Variants in KIFC3 observed in about 807,000 individuals in gnomAD.
KIFC3 encodes the protein kinesin family member C3, also known as kinesin-like protein KIFC3.
KIFC3 carries 60 observed loss-of-function variants against 101.8 expected under a neutral mutation model. The ratio of observed to expected loss-of-function variants is 0.59; its 90% CI spans 0.48 to 0.73. The LOEUF is 0.73. KIFC3 is among the 30% of genes least tolerant of loss of function. The pLI is 0.00. For missense variants in KIFC3, 966 were observed against 1,137.1 expected, an observed-to-expected ratio of 0.85 and a Z score of 2.16; for synonymous variants, 476 against 482.7, an observed-to-expected ratio of 0.99 and a Z score of 0.18.
intron 14 of KIFC3, 108 bp from the exon 15 acceptor site, chr16:57,761,279 G>A: frequency 6.3e-7 from 1 of 1,577,430 alleles, no homozygotes; most frequent in Non-Finnish European, 8.7e-7. Flanking sequence ...CAGTTTAGAT[G>A]AGGAAACTGA....
chr16:57,816,439 C>T (rs925558878), intron 1 of KIFC3: 22 of 474,882 alleles, frequency 4.6e-5, no homozygotes, highest in Admixed American at 2.6e-4. Context: ...AGGTTTTGGC[C>T]GCCACAGGGG....
chr16:57,833,711 G>T (rs2911343), intron 1 of KIFC3, among the ~76,000 whole-genome samples: 1 of 152,122 alleles, frequency 6.6e-6, no homozygotes, highest in African/African-American at 2.4e-5. Flanking sequence ...CACCTGGGAG[G>T]GGGAGGGACC....
At chr16:57,766,820 A>C in intron 10 of KIFC3, 54 bp downstream of exon 10, 1 of 1,289,698 alleles carries the variant, frequency 7.8e-7, no homozygotes, top group South Asian at 1.2e-5. Context: ...ATGACTGCCA[A>C]GCCAGGTCGA....
chr16:57,834,671 C>A (rs2055651072), intron 1 of KIFC3, among the ~76,000 whole-genome samples: 1 of 152,106 alleles, frequency 6.6e-6, no homozygotes, highest in African/African-American at 2.4e-5. Flanking sequence ...GTCACAAGTC[C>A]AGCTAATTTT....
chr16:57,809,380 T>G (rs4784859), intron 1 of KIFC3, among the ~76,000 whole-genome samples: 8,488 of 152,224 alleles, frequency 0.056, 410 homozygotes, highest in East Asian at 0.14. Flanking sequence ...ACTGCAGCCT[T>G]AAACTCCTGA....
intron 1 of KIFC3, among the ~76,000 whole-genome samples, chr16:57,823,455 C>A (rs541393032): frequency 6.6e-6 from 1 of 152,268 alleles, no homozygotes; most frequent in South Asian, 2.1e-4. Flanking sequence ...TGTCCTTAAC[C>A]TTGGCAAAAT....
chr16:57,852,704 G>T (rs903474430), intron 1 of KIFC3, among the ~76,000 whole-genome samples: 2 of 152,158 alleles, frequency 1.3e-5, no homozygotes, highest in African/African-American at 4.8e-5. Flanking sequence ...TTGACTTCAA[G>T]AGGTTTAGTT....
At chr16:57,759,637 G>A (rs2049579534) in intron 18 of KIFC3, 91 bp downstream of exon 18, 4 of 976,608 alleles carry the variant, frequency 4.1e-6, no homozygotes, top group South Asian at 1.6e-5. Context: ...TTTTAAAAAG[G>A]AAAGAAAAGA....
At chr16:57,779,170 G>A (rs1030689003) in intron 3 of KIFC3, among the ~76,000 whole-genome samples, 2 of 152,142 alleles carry the variant, frequency 1.3e-5, no homozygotes, top group Non-Finnish European at 2.9e-5. Context: ...ACCAAAAGGT[G>A]GAAGCAGCCC....
chr16:57,802,808 C>A, upstream of KIFC3: 1 of 797,040 alleles, frequency 1.3e-6, no homozygotes, highest in Non-Finnish European at 2.1e-6. This position sits in a 1 kb window ranked among gnomAD's most constrained non-coding sequence, Gnocchi z 5.0. Context: ...GCAGCCCACA[C>A]AGCCCCACAC....
upstream of KIFC3, among the ~76,000 whole-genome samples, chr16:57,804,930 G>T (rs2054899677): frequency 6.6e-6 from 1 of 150,816 alleles, no homozygotes; most frequent in Admixed American, 6.6e-5. Context: ...TTTGAGACGG[G>T]GGCTCGCTCT....
chr16:57,825,185 T>G (rs553170630), intron 1 of KIFC3, among the ~76,000 whole-genome samples: 1 of 152,336 alleles, frequency 6.6e-6, no homozygotes, highest in East Asian at 1.9e-4. Flanking sequence ...ACTTGCCTCC[T>G]GTTACCTGCT....
intron 1 of KIFC3, among the ~76,000 whole-genome samples, chr16:57,836,597 A>C (rs1449446688): frequency 6.6e-6 from 1 of 152,200 alleles, no homozygotes; most frequent in Non-Finnish European, 1.5e-5. Flanking sequence ...CTACCCCAAA[A>C]GGCACAAAAA....
intron 1 of KIFC3, among the ~76,000 whole-genome samples, chr16:57,842,994 A>G (rs1475754550): frequency 6.6e-6 from 1 of 152,084 alleles, no homozygotes; most frequent in Non-Finnish European, 1.5e-5. Context: ...TTAGCCAGGC[A>G]TGGTGGTGCA....
At chr16:57,763,494 C>T (rs1555599824) in intron 12 of KIFC3, among the ~76,000 whole-genome samples, 1 of 152,176 alleles carries the variant, frequency 6.6e-6, no homozygotes, top group Admixed American at 6.5e-5. Flanking sequence ...TCCTCCTGAC[C>T]TAGGGAATCA....
Position 57,758,832 on chromosome 16 carries a change from G to T in KIFC3, c.*102C>A. 1 of 1,604,450 alleles carries T rather than the reference G, an allele frequency of 6.2e-7. No homozygotes were observed. ...TACCTCCGGGGGTCCTGGCGCTGCAGCAGGGACAGGCCAGTGAGGGCCCAG... is the reference window on the plus strand; with the variant it reads ...TACCTCCGGGGGTCCTGGCGCTGCATCAGGGACAGGCCAGTGAGGGCCCAG... On this transcript the variant is annotated 3_prime_UTR_variant, in exon 20 of 20. Transcript: ENST00000445690.
At chr16:57,799,829 A>G (rs1339928302) in intron 1 of KIFC3, among the ~76,000 whole-genome samples, 3 of 152,198 alleles carry the variant, frequency 2.0e-5, no homozygotes, top group African/African-American at 4.8e-5. Context: ...GTAAGTGGGA[A>G]GGAGAGGTTG....
At position 57,852,249 on chromosome 16, in the gene KIFC3, T is replaced by C. The variant is rs138961548; in HGVS notation, c.108+10480A>G. Among the ~76,000 whole-genome samples the C allele has an allele frequency of 4.6e-3, 697 of 152,232 alleles. 3 individuals are homozygous for C. Among genetic ancestry groups the C allele is most frequent in the Admixed American group, 5.9e-3 (90 of 15,284 alleles). On this transcript the variant is annotated intron_variant, in intron 1 of 2. Coordinates refer to the KIFC3 transcript ENST00000563028. ...GGGTGGAGCTTGTGACTGGAGGACT[T>C]TGCTGCAGGGTGATGGACCCGGGCC... is the stretch of plus-strand genomic sequence containing the variant.
At chr16:57,801,562 G>C (rs1370104949) in intron 1 of KIFC3, among the ~76,000 whole-genome samples, 2 of 152,226 alleles carry the variant, frequency 1.3e-5, no homozygotes, top group Admixed American at 6.5e-5. Context: ...ACACGTCTGG[G>C]AAAGAATGGG....
Sources: allele counts gnomAD v4.1 joint callset (sites outside exome capture counted in the v4.1 genomes callset), GRCh38; gene constraint gnomAD v4.1.1; non-coding constraint Gnocchi (gnomAD v3.1); transcripts MANE v1.5; gene names NCBI Gene and HGNC (gene_info 2026-07-23, HGNC 2026-07-21).